Variants in ANO4 observed in about 807,000 individuals in gnomAD.
ANO4 encodes the protein anoctamin-4.
Under a neutral mutation model 141.9 loss-of-function variants are expected in ANO4, and 69 were observed. That is an observed-to-expected ratio of 0.49 (90% CI 0.40 to 0.59). The LOEUF is 0.59. Ranked by LOEUF, ANO4 falls within the 20% of genes least tolerant of loss-of-function variation. The pLI, the probability that ANO4 is intolerant of heterozygous loss-of-function variation, is 0.00. For missense variants in ANO4, 894 were observed against 1,162.2 expected, an observed-to-expected ratio of 0.77 and a Z score of 3.36; for synonymous variants, 350 against 394.3, an observed-to-expected ratio of 0.89 and a Z score of 1.33.
chr12:100,744,838 A>G (rs2032032172), intron 3 of ANO4, among the ~76,000 whole-genome samples: 1 of 152,162 alleles, frequency 6.6e-6, no homozygotes, highest in Non-Finnish European at 1.5e-5. Context: ...CAGTCTTGTT[A>G]CAAGTCTTCC....
intron 3 of ANO4, among the ~76,000 whole-genome samples, chr12:100,760,247 A>G (rs928635614): frequency 2.0e-5 from 3 of 152,158 alleles, no homozygotes; most frequent in Non-Finnish European, 4.4e-5. Context: ...TTGAATACCT[A>G]CTATGTATTG....
At chr12:101,041,087 G>A (rs923815190) in intron 11 of ANO4, among the ~76,000 whole-genome samples, 1 of 152,056 alleles carries the variant, frequency 6.6e-6, no homozygotes, top group Non-Finnish European at 1.5e-5. Context: ...TATTAAGATT[G>A]GGTAATAACA....
At chr12:100,734,735 T>C (rs1168857046) in intron 2 of ANO4, among the ~76,000 whole-genome samples, 2 of 152,336 alleles carry the variant, frequency 1.3e-5, no homozygotes, top group South Asian at 2.1e-4. Context: ...CTTCTCAAAC[T>C]CCAGCAATGT....
intron 1 of ANO4, among the ~76,000 whole-genome samples, chr12:100,861,287 A>G (rs1458186632): frequency 6.6e-6 from 1 of 152,170 alleles, no homozygotes; most frequent in African/African-American, 2.4e-5. Flanking sequence ...TCACCTCTCA[A>G]CAGTGTGTAC....
chr12:101,013,312 T>A, intron 8 of ANO4, among the ~76,000 whole-genome samples: 1 of 152,012 alleles, frequency 6.6e-6, no homozygotes, highest in East Asian at 1.9e-4. Flanking sequence ...CTTTATAGTC[T>A]CACTTTGTGA....
intron 8 of ANO4, among the ~76,000 whole-genome samples, chr12:101,012,376 TGA>T (rs2046132759): frequency 6.6e-6 from 1 of 151,124 alleles, no homozygotes; most frequent in African/African-American, 2.4e-5. Context: ...AGTGACAGAG[TGA>T]GAGAGAGAGA....
chr12:100,761,803 C>A (rs2032868845), intron 3 of ANO4, among the ~76,000 whole-genome samples: 1 of 152,140 alleles, frequency 6.6e-6, no homozygotes, highest in Non-Finnish European at 1.5e-5. Flanking sequence ...CAATCTCAGG[C>A]CTGTTATGTT....
chr12:100,867,300 G>A (rs2038798213), intron 1 of ANO4, among the ~76,000 whole-genome samples: 1 of 152,096 alleles, frequency 6.6e-6, no homozygotes, highest in Admixed American at 6.6e-5. Flanking sequence ...GCCCAGATGA[G>A]CATTAAGCAA....
intron 22 of ANO4, among the ~76,000 whole-genome samples, chr12:101,104,914 C>T (rs1261666779): frequency 6.6e-6 from 1 of 151,818 alleles, no homozygotes; most frequent in Non-Finnish European, 1.5e-5. Flanking sequence ...TTAGTTCAGT[C>T]AACTTTTGCT....
chr12:101,087,444 T>A (rs73379475), intron 17 of ANO4, among the ~76,000 whole-genome samples: 8,647 of 151,906 alleles, frequency 0.057, 764 homozygotes, highest in African/African-American at 0.19. Context: ...GGTCACTTGG[T>A]TCAGGAAAGT....
rs140871041 is a variant in ANO4 at position 100,828,247 on chromosome 12, T to A, written c.-141+33220T>A. Among the ~76,000 whole-genome samples the A allele has an allele frequency of 3.2e-3, 483 of 152,152 alleles. 3 individuals are homozygous for A. The highest frequency in any genetic ancestry group is 6.8e-3 in the Middle Eastern group (2 of 294). On this transcript the variant is annotated intron_variant, in intron 1 of 27. Transcript: ENST00000392977. ...AATATTTCCTCCATTCCTCCTTTTT[T>A]CAGCACATTCCCCAATTGGAGAGGG...
intron 1 of ANO4, among the ~76,000 whole-genome samples, chr12:100,862,081 T>C (rs2038508990): frequency 6.6e-6 from 1 of 152,154 alleles, no homozygotes; most frequent in African/African-American, 2.4e-5. Flanking sequence ...TTTAATTTAA[T>C]TTTAATTTTT....
chr12:101,098,026 T>C, intron 21 of ANO4, 81 bp downstream of exon 21: 2 of 1,289,776 alleles, frequency 1.6e-6, no homozygotes, highest in South Asian at 2.5e-5. Flanking sequence ...AGATAAGCAA[T>C]GCAGACTCAG....
intron 1 of ANO4, among the ~76,000 whole-genome samples, chr12:100,839,933 TC>T (rs1475188344): frequency 1.4e-4 from 21 of 152,060 alleles, no homozygotes; most frequent in Admixed American, 7.2e-4. Context: ...TGGACATGAG[TC>T]CTATAGTGCT....
chr12:100,890,521 TG>T (rs1467493313), intron 1 of ANO4, among the ~76,000 whole-genome samples: 1 of 152,202 alleles, frequency 6.6e-6, no homozygotes, highest in African/African-American at 2.4e-5. Flanking sequence ...TATATGGGTA[TG>T]AAATTTTTAG....
At chr12:100,729,107 T>C (rs1423486645) in intron 1 of ANO4, among the ~76,000 whole-genome samples, 4 of 152,102 alleles carry the variant, frequency 2.6e-5, no homozygotes, top group African/African-American at 4.8e-5. Flanking sequence ...GTGTTTGTTG[T>C]TGAAATTTTT....
chr12:100,774,190 C>G (rs1210463659), intron 3 of ANO4, among the ~76,000 whole-genome samples: 1 of 151,854 alleles, frequency 6.6e-6, no homozygotes, highest in African/African-American at 2.4e-5. Flanking sequence ...TTTACCCTCT[C>G]AGTAAAACAA....
At chr12:101,087,629 A>T (rs1238003360) in intron 17 of ANO4, among the ~76,000 whole-genome samples, 1 of 152,114 alleles carries the variant, frequency 6.6e-6, no homozygotes, top group Non-Finnish European at 1.5e-5. Flanking sequence ...GCTTTTTCAG[A>T]TAGCATATTT....
chr12:100,823,265 T>A (rs1297496355), intron 1 of ANO4, among the ~76,000 whole-genome samples: 1 of 152,032 alleles, frequency 6.6e-6, no homozygotes, highest in African/African-American at 2.4e-5. Flanking sequence ...TACTTATATA[T>A]GTGGCAAATT....
Sources: gnomAD v4.1 joint callset for allele counts (sites outside exome capture counted in the v4.1 genomes callset) on GRCh38, gnomAD v4.1.1 for gene constraint, MANE v1.5 for transcripts, NCBI Gene and HGNC (gene_info 2026-07-23, HGNC 2026-07-21) for gene names.